Variants in NSD3 observed in about 807,000 individuals in gnomAD.
NSD3 encodes nuclear receptor binding SET domain protein 3.
In NSD3, 24 loss-of-function variants were observed where a neutral mutation model predicts 160.8. The observed-to-expected ratio is 0.15, with a 90% CI of 0.11 to 0.21. The LOEUF (loss-of-function observed/expected upper bound fraction) is 0.21, where lower values mean the gene tolerates loss of function less well. Ranked by LOEUF, NSD3 falls within the 10% of genes least tolerant of loss-of-function variation. NSD3 has a pLI of 1.00. For missense variants in NSD3, 1,157 were observed against 1,735.9 expected (o/e 0.67, Z 5.93); for synonymous variants, 520 against 600.0 (o/e 0.87, Z 1.95).
intron 1 of NSD3, among the ~76,000 whole-genome samples, chr8:38,372,732 G>A (rs1420047926): frequency 1.3e-5 from 2 of 150,212 alleles, no homozygotes; most frequent in African/African-American, 4.9e-5. Flanking sequence ...CTCCCCTCAG[G>A]TGCTCCGCCC....
At chr8:38,334,098 G>T (rs985698280) in intron 4 of NSD3, among the ~76,000 whole-genome samples, 1 of 152,122 alleles carries the variant, frequency 6.6e-6, no homozygotes, top group African/African-American at 2.4e-5. Flanking sequence ...ATAATTAACA[G>T]AATTTTTAGG....
chr8:38,325,316 G>A (rs1213092688), intron 7 of NSD3, among the ~76,000 whole-genome samples: 1 of 152,154 alleles, frequency 6.6e-6, no homozygotes, highest in Non-Finnish European at 1.5e-5. Context: ...CTATAAGTAC[G>A]TTCAGAAAAT....
At chr8:38,344,243 A>T (rs1810456976) in intron 2 of NSD3, among the ~76,000 whole-genome samples, 1 of 152,128 alleles carries the variant, frequency 6.6e-6, no homozygotes, top group Admixed American at 6.6e-5. Flanking sequence ...GAAAAAAAGT[A>T]GCAGGTGAAA....
At chr8:38,376,233 T>C (rs1811383979) in intron 1 of NSD3, among the ~76,000 whole-genome samples, 1 of 152,116 alleles carries the variant, frequency 6.6e-6, no homozygotes, top group African/African-American at 2.4e-5. Context: ...AACACACACC[T>C]CAAGATAACT....
At position 38,273,476 on chromosome 8, in the gene NSD3, C is replaced by T; in HGVS notation, c.*2165G>A. 6.6e-6 allele frequency: 1 copy of T among 151,962 alleles called. No homozygotes were observed. Among genetic ancestry groups the T allele is most frequent in the East Asian group, 1.9e-4 (1 of 5,184 alleles). 9.4% of individuals were successfully genotyped at this position (151,962 alleles called of 1,614,324 possible). A position where few individuals can be genotyped will look rare whatever the true frequency, so the allele number is the denominator to read the frequency against. ...AGTATATAGGATGTACCCTGGCTTA[C>T]CATAGAAAAGTCTTTAGATAGTAAA... is the stretch of plus-strand genomic sequence containing the variant. On this transcript the variant is annotated 3_prime_UTR_variant, in exon 24 of 24. Transcript: ENST00000317025.
chr8:38,338,892 A>G (rs2150379472), intron 2 of NSD3, among the ~76,000 whole-genome samples: 1 of 152,304 alleles, frequency 6.6e-6, no homozygotes, highest in Non-Finnish European at 1.5e-5. Context: ...CTGTAATCCC[A>G]GCATTTTGGG....
intron 1 of NSD3, among the ~76,000 whole-genome samples, chr8:38,372,743 G>A (rs1005698534): frequency 2.7e-5 from 4 of 149,252 alleles, no homozygotes; most frequent in Non-Finnish European, 1.5e-5. Context: ...TGCTCCGCCC[G>A]CCTCGGCCTC....
intron 1 of NSD3, among the ~76,000 whole-genome samples, chr8:38,377,001 T>TA (rs201709417): frequency 2.7e-4 from 40 of 149,320 alleles, no homozygotes; most frequent in African/African-American, 3.9e-4. Context: ...CAAGACTCTT[T>TA]AAAAAAAAAA....
At chr8:38,315,624 A>G in intron 10 of NSD3, 80 bp from the exon 11 acceptor site, 1 of 1,562,560 alleles carries the variant, frequency 6.4e-7, no homozygotes, top group Non-Finnish European at 8.7e-7. Context: ...AATCCTAGTA[A>G]GACTTGCTCA....
At chr8:38,339,546 G>A (rs1390752276) in intron 2 of NSD3, among the ~76,000 whole-genome samples, 1 of 152,078 alleles carries the variant, frequency 6.6e-6, no homozygotes, top group Non-Finnish European at 1.5e-5. Flanking sequence ...CCAACATGGT[G>A]AAACCCCGTC....
intron 12 of NSD3, among the ~76,000 whole-genome samples, chr8:38,307,362 C>G (rs1809434105): frequency 6.6e-6 from 1 of 151,816 alleles, no homozygotes; most frequent in South Asian, 2.1e-4. Flanking sequence ...GTGTAGGGGG[C>G]TGGCAGGAGT....
chr8:38,341,145 A>G (rs1410147260), intron 2 of NSD3, among the ~76,000 whole-genome samples: 1 of 152,192 alleles, frequency 6.6e-6, no homozygotes, highest in Non-Finnish European at 1.5e-5. Context: ...AACAACAACA[A>G]CAAACAAAAA....
intron 4 of NSD3, among the ~76,000 whole-genome samples, chr8:38,332,807 A>C (rs1810098469): frequency 6.6e-6 from 1 of 152,158 alleles, no homozygotes; most frequent in Admixed American, 6.5e-5. Context: ...ACATTTGAAA[A>C]AAGTAAAAAA....
intron 1 of NSD3, among the ~76,000 whole-genome samples, chr8:38,377,134 C>T (rs1199268981): frequency 1.3e-5 from 2 of 152,166 alleles, no homozygotes; most frequent in Admixed American, 6.5e-5. Context: ...CTCAGTGCAA[C>T]CTCCGCCTCC....
At position 38,317,159 on chromosome 8, in the gene NSD3, T is replaced by C. The variant is rs1487726474; in HGVS notation, c.1856-1117A>G. On this transcript the variant is annotated intron_variant, in intron 9 of 23. Coordinates refer to ENST00000317025, the MANE Select transcript of NSD3 (RefSeq NM_023034.2). This position sits in a 1 kb window ranked among gnomAD's most constrained non-coding sequence, Gnocchi z 5.3. ...CTGAGTGAGAGTAGCACTTGGAACA[T>C]AGCCACGTTCTGTGGTGGAGGAGGT... 19 of 1,063,164 alleles carry C rather than the reference T, an allele frequency of 1.8e-5. No homozygotes were observed. The highest frequency in any genetic ancestry group is 4.6e-5 in the South Asian group (1 of 21,960). The allele number at this position is 1,063,164 out of a possible 1,614,324, so 65.9% of individuals were successfully genotyped here.
In NSD3 at chr8:38,275,083, C is replaced by A. The variant is rs1267668075; in HGVS notation, c.*558G>T. 2 of 231,760 alleles carry A rather than the reference C, an allele frequency of 8.6e-6. No individual in the cohort carries two copies. The highest frequency in any genetic ancestry group is 1.2e-4 in the East Asian group (2 of 16,288). The allele number at this position is 231,760 out of a possible 1,614,324, so 14.4% of individuals were successfully genotyped here. A position where few individuals can be genotyped will look rare whatever the true frequency, so the allele number is the denominator to read the frequency against. The stretch of plus-strand genomic sequence containing the variant: ...AGCCCTTCTCTAAGCCTATGAAAAG[C>A]ATTTTGAAGGGAAAGAGAAGTGAGC... On this transcript the variant is annotated 3_prime_UTR_variant, in exon 24 of 24. Coordinates refer to ENST00000317025, the MANE Select transcript of NSD3 (RefSeq NM_023034.2).
At chr8:38,361,445 T>C (rs1427181407) in intron 1 of NSD3, among the ~76,000 whole-genome samples, 2 of 151,746 alleles carry the variant, frequency 1.3e-5, no homozygotes, top group East Asian at 3.9e-4. Context: ...TGTTTGATAC[T>C]TGAACAATAA....
rs908916701 is a variant in NSD3, at chr8:38,338,539, G to T, written c.744C>A (p.Ala248=). Residue 248 remains alanine, a synonymous_variant, in exon 3 of 24, where the codon GCC becomes GCA. Transcript: ENST00000317025. ...PREEPVLKEE[A]PVQPILSSVP... ...AGTATTCAGTAAAACAACTTACTGG[G>T]GCTTCCTCTTTTAGTACTGGTTCTT... 6.2e-7 allele frequency: 1 copy of T among 1,613,294 alleles called. No homozygotes were observed. The highest frequency in any genetic ancestry group is 8.5e-7 in the Non-Finnish European group (1 of 1,179,510).
At chr8:38,335,955 A>C (rs1810206181) in intron 4 of NSD3, 1 of 152,258 alleles carries the variant, frequency 6.6e-6, no homozygotes, top group African/African-American at 2.4e-5. Flanking sequence ...CCTCGCTGAC[A>C]CATCCCGTCT....
Sources: allele counts gnomAD v4.1 joint callset (sites outside exome capture counted in the v4.1 genomes callset), GRCh38; gene constraint gnomAD v4.1.1; non-coding constraint Gnocchi (gnomAD v3.1); transcripts MANE v1.5; gene names NCBI Gene and HGNC (gene_info 2026-07-23, HGNC 2026-07-21).